ZNF827: variants seen among roughly 807,000 people sequenced by gnomAD.
ZNF827 encodes the protein zinc finger protein 827.
A neutral mutation model predicts 102.4 loss-of-function variants in ZNF827; 13 were observed. That is an observed-to-expected ratio of 0.13 (90% confidence interval 0.08 to 0.20). The LOEUF (loss-of-function observed/expected upper bound fraction) is 0.20. Among genes scored for constraint, ZNF827 ranks in the 10% least tolerant of loss-of-function variants. ZNF827 has a pLI of 1.00. For synonymous variants in ZNF827, 523 were observed against 536.2 expected (o/e 0.98, Z 0.34); for missense variants, 1,103 against 1,344.4 (o/e 0.82, Z 2.81).
At chr4:145,891,837 G>C (rs997257546) in intron 3 of ZNF827, among the ~76,000 whole-genome samples, 3 of 152,104 alleles carry the variant, frequency 2.0e-5, no homozygotes, top group African/African-American at 7.2e-5. Flanking sequence ...CTCCAGGAAG[G>C]GGAGCAGGTT....
intron 9 of ZNF827, 82 bp downstream of exon 9, chr4:145,779,292 C>T: frequency 1.3e-6 from 2 of 1,519,580 alleles, no homozygotes; most frequent in Non-Finnish European, 1.8e-6. Flanking sequence ...TAATGCCTCT[C>T]TTAGAGAAAC....
intron 7 of ZNF827, among the ~76,000 whole-genome samples, chr4:145,844,792 C>G (rs895246067): frequency 3.3e-5 from 5 of 152,072 alleles, no homozygotes; most frequent in Non-Finnish European, 4.4e-5. Context: ...TTTGACATTC[C>G]TAAACTCCAA....
chr4:145,813,596 T>G (rs893223979), intron 8 of ZNF827, among the ~76,000 whole-genome samples: 2 of 152,176 alleles, frequency 1.3e-5, no homozygotes, highest in African/African-American at 4.8e-5. Flanking sequence ...AAGGCTTTAT[T>G]GTACATTTTA....
At chr4:145,815,009 A>G (rs1376638343) in intron 8 of ZNF827, among the ~76,000 whole-genome samples, 3 of 152,170 alleles carry the variant, frequency 2.0e-5, no homozygotes, top group Non-Finnish European at 4.4e-5. Context: ...CTTCTGGGGA[A>G]ATCCAAACAA....
At chr4:145,789,839 G>C (rs894480037) in intron 8 of ZNF827, among the ~76,000 whole-genome samples, 5 of 152,180 alleles carry the variant, frequency 3.3e-5, no homozygotes, top group African/African-American at 1.2e-4. Context: ...TCTAAAGAGA[G>C]CTTTATTGAG....
At chr4:145,922,843 CAG>C (rs58547948) in intron 1 of ZNF827, among the ~76,000 whole-genome samples, 1,861 of 152,330 alleles carry the variant, frequency 0.012, 44 homozygotes, top group African/African-American at 0.043. Context: ...GAAAAACTGA[CAG>C]TGTTTGTTGC....
rs542707817 is a variant in ZNF827, at chr4:145,919,955, C to T, written c.44-16740G>A. Among the ~76,000 whole-genome samples the T allele has an allele frequency of 5.0e-4, 76 of 152,308 alleles. 1 individual carries two copies. In the South Asian group the frequency reaches 0.015, roughly 29 times the overall value. ...AGCTTTGGAACCAGACACTCCCACT[C>T]GAATCTTATCCTGCTATACACTAGG... On this transcript the variant is annotated intron_variant, in intron 1 of 14. Coordinates refer to ENST00000508784, the MANE Select transcript of ZNF827 (RefSeq NM_001306215.2).
chr4:145,762,252 G>A lies in ZNF827; in HGVS notation c.*18-654C>T, dbSNP rs758075986. ...TATCTCCCTACAGGACTAGCTCTTT[G>A]TCAGGAAAGGAAGCTGAGGACTATG... On this transcript the variant is annotated intron_variant, in intron 14 of 14. Coordinates refer to ENST00000508784, the MANE Select transcript of ZNF827 (RefSeq NM_001306215.2). The surrounding 1 kb of genome is among the most constrained non-coding windows in gnomAD (Gnocchi z 4.9). Among the ~76,000 whole-genome samples the A allele has an allele frequency of 1.3e-5, 2 of 152,104 alleles. No homozygotes were observed. The highest frequency in any genetic ancestry group is 2.9e-5 in the Non-Finnish European group (2 of 68,022).
rs146153349 is a variant in ZNF827 at position 145,786,483 on chromosome 4, T to G, written c.2384-6972A>C. Among the ~76,000 whole-genome samples, 679 of 152,344 alleles carry G rather than the reference T, an allele frequency of 4.5e-3. 5 individuals are homozygous for G. Among genetic ancestry groups the G allele is most frequent in the African/African-American group, 0.015 (628 of 41,576 alleles). On this transcript the variant is annotated intron_variant, in intron 8 of 14. Coordinates refer to ENST00000508784, the MANE Select transcript of ZNF827 (RefSeq NM_001306215.2). Reference sequence around the variant, plus strand: ...GCCGCTTGGGTTTTCCATTGTGACATATGGTATTTTGATCACTTCTTTCTT... The same window carrying G: ...GCCGCTTGGGTTTTCCATTGTGACAGATGGTATTTTGATCACTTCTTTCTT...
intron 4 of ZNF827, among the ~76,000 whole-genome samples, chr4:145,883,966 C>T (rs1272366602): frequency 6.6e-6 from 1 of 152,070 alleles, no homozygotes; most frequent in Non-Finnish European, 1.5e-5. Context: ...TGTATTTTCC[C>T]CACATGTTCA....
intron 3 of ZNF827, among the ~76,000 whole-genome samples, chr4:145,887,697 T>A (rs1490971583): frequency 6.6e-6 from 1 of 152,166 alleles, no homozygotes; most frequent in African/African-American, 2.4e-5. Context: ...ACAAAAGGAT[T>A]TCACTAGGAG....
intron 9 of ZNF827, among the ~76,000 whole-genome samples, chr4:145,776,631 C>T (rs1579134130): frequency 6.6e-6 from 1 of 151,964 alleles, no homozygotes; most frequent in East Asian, 1.9e-4. Context: ...TGTGTGTACC[C>T]CATGTGTCAG....
intron 8 of ZNF827, among the ~76,000 whole-genome samples, chr4:145,807,672 A>G (rs770369270): frequency 4.0e-5 from 6 of 151,826 alleles, no homozygotes; most frequent in Middle Eastern, 3.4e-3. Context: ...GGGTTTCACC[A>G]TCTTGGCCAG....
intron 8 of ZNF827, among the ~76,000 whole-genome samples, chr4:145,817,892 A>G (rs569523841): frequency 1.3e-5 from 2 of 152,176 alleles, no homozygotes; most frequent in Non-Finnish European, 2.9e-5. Flanking sequence ...GAGTTTTAAC[A>G]CAGCTTCATA....
At chr4:145,883,626 GACCAA>G (rs1179657217) in intron 4 of ZNF827, among the ~76,000 whole-genome samples, 2 of 152,196 alleles carry the variant, frequency 1.3e-5, no homozygotes, top group African/African-American at 4.8e-5. Context: ...TTTATCCAAA[GACCAA>G]ACCTTCCCTG....
rs149473299 is a variant in ZNF827 at position 145,902,232 on chromosome 4, G to C, written c.1027C>G (p.Pro343Ala). Residue 343 changes from proline (P) to alanine (A), a missense_variant, in exon 2 of 15, where the codon CCA becomes GCA. Pro to Ala is a conservative substitution (Grantham distance 27). Around this residue, in one of 5 missense-constraint regions of ZNF827, gnomAD observed 441 missense variants for 458.6 expected, o/e 0.96. Transcript: ENST00000508784. This position sits in a 1 kb window ranked among gnomAD's most constrained non-coding sequence, Gnocchi z 4.3. The part of the protein sequence containing the change: ...PPPPPPPPPP[P>A]QSLELLLLPV... ...AGTAATAATAATTCCAGGGATTGTG[G>C]TGGTGGTGGTGGAGGTGGTGGAGGT... The C allele has an allele frequency of 1.3e-4, 216 of 1,605,976 alleles. No homozygotes were observed. The highest frequency in any genetic ancestry group is 1.8e-4 in the Non-Finnish European group (214 of 1,176,798).
chr4:145,878,692 G>A (rs368141135), intron 4 of ZNF827, among the ~76,000 whole-genome samples: 108 of 149,912 alleles, frequency 7.2e-4, no homozygotes, highest in African/African-American at 2.4e-3. Context: ...GGAGAGAGAG[G>A]AAGGGAGGAA....
chr4:145,926,012 A>G (rs1201197881), intron 1 of ZNF827, among the ~76,000 whole-genome samples: 2 of 152,224 alleles, frequency 1.3e-5, no homozygotes, highest in Non-Finnish European at 2.9e-5. Flanking sequence ...TTAGCACTTC[A>G]TAAGTTTATG....
chr4:145,928,103 AT>A (rs1462243861), intron 1 of ZNF827, among the ~76,000 whole-genome samples: 1 of 152,100 alleles, frequency 6.6e-6, no homozygotes, highest in African/African-American at 2.4e-5. Context: ...CCACGAGCTA[AT>A]TTTAGGGTTT....
Sources: allele counts gnomAD v4.1 joint callset (sites outside exome capture counted in the v4.1 genomes callset), GRCh38; gene constraint gnomAD v4.1.1; regional missense constraint gnomAD v4.1.1; non-coding constraint Gnocchi (gnomAD v3.1); transcripts MANE v1.5; gene names NCBI Gene and HGNC (gene_info 2026-07-23, HGNC 2026-07-21).